The following MMD variants were observed in gnomAD, a reference collection of about 807,000 sequenced individuals.
MMD encodes the protein monocyte to macrophage differentiation factor.
In MMD, 22 loss-of-function variants were observed where a neutral mutation model predicts 33.6. That is an observed-to-expected ratio of 0.66 (90% CI 0.47 to 0.94). The LOEUF is 0.94. Ranked by LOEUF, MMD falls within the 40% of genes least tolerant of loss-of-function variation. The pLI is 0.00. For missense variants in MMD, 242 were observed against 309.8 expected, an observed-to-expected ratio of 0.78 and a Z score of 1.64; for synonymous variants, 97 against 103.2, an observed-to-expected ratio of 0.94 and a Z score of 0.36.
Position 55,408,905 on chromosome 17 carries a change from G to A in MMD, c.270-1085C>T, listed in dbSNP as rs577795816. On this transcript the variant is annotated intron_variant, in intron 3 of 6. Transcript: ENST00000262065. ...AGTCCAAGCTACTCGGATGGCTGAA[G>A]CACAAGAATCACTTGAACCCAGGAG... Among the ~76,000 whole-genome samples, 16 of 152,256 alleles carry A rather than the reference G, an allele frequency of 1.1e-4. No homozygotes were observed. In the East Asian group the frequency reaches 2.7e-3, roughly 26 times the overall value.
chr17:55,418,543 C>T lies in MMD; in HGVS notation c.26+3127G>A, dbSNP rs983146298. 2.6e-5 allele frequency among the ~76,000 whole-genome samples: 4 copies of T among 152,330 alleles called. No homozygotes were observed. The East Asian group carries it at 7.7e-4, about 29-fold the overall frequency. On this transcript the variant is annotated intron_variant, in intron 1 of 6. Coordinates refer to ENST00000262065, the MANE Select transcript of MMD (RefSeq NM_012329.3). ...CAAAAACACTTAAAATCCAAGACAA[C>T]GGATATTCCAAGGGCCCCTTCAACA...
Position 55,417,801 on chromosome 17 carries a change from A to G in MMD, c.27-3569T>C, listed in dbSNP as rs115355418. On this transcript the variant is annotated intron_variant, in intron 1 of 6. Coordinates refer to ENST00000262065, the MANE Select transcript of MMD (RefSeq NM_012329.3). ...GTGACAGAACAAGACCCTGTCTCAAAAACAAACAACAACAAAAAACCCAGA... is the reference window on the plus strand; with the variant it reads ...GTGACAGAACAAGACCCTGTCTCAAGAACAAACAACAACAAAAAACCCAGA... 4.4e-3 allele frequency among the ~76,000 whole-genome samples: 664 copies of G among 152,218 alleles called. 10 individuals are homozygous for G. The highest frequency in any genetic ancestry group is 0.015 in the African/African-American group (634 of 41,506).
chr17:55,397,173 T>C (rs1251938887), intron 6 of MMD, among the ~76,000 whole-genome samples: 1 of 152,196 alleles, frequency 6.6e-6, no homozygotes, highest in Non-Finnish European at 1.5e-5. Flanking sequence ...ATTTATTTAT[T>C]TATTTAGAGA....
chr17:55,411,430 T>C lies in MMD; in HGVS notation c.109-13A>G, dbSNP rs778713610. 1 of 1,605,266 alleles carries C rather than the reference T, an allele frequency of 6.2e-7. No homozygotes were observed. The highest frequency in any genetic ancestry group is 8.5e-7 in the Non-Finnish European group (1 of 1,176,932). On this transcript the variant is annotated splice_polypyrimidine_tract_variant and intron_variant, in intron 2 of 6. Coordinates refer to ENST00000262065, the MANE Select transcript of MMD (RefSeq NM_012329.3). Reference sequence around the variant, plus strand: ...GAACAATGAGGAACTGAGGGAAAGATAAAGAATGGTGAATGGAATATTCTG... The same window carrying C: ...GAACAATGAGGAACTGAGGGAAAGACAAAGAATGGTGAATGGAATATTCTG...
intron 1 of MMD, among the ~76,000 whole-genome samples, chr17:55,416,652 C>T (rs1448446698): frequency 2.6e-5 from 4 of 152,264 alleles, no homozygotes; most frequent in South Asian, 4.1e-4. Flanking sequence ...ACTCCTAAAA[C>T]CTAAATGGAA....
chr17:55,394,087 G>T lies in MMD; in HGVS notation c.*247C>A. ...AAAGTCTGGTTTGTAAACATCAGTT[G>T]GCCAAGTCTATTCAGAGTCCTTCAT... On this transcript the variant is annotated 3_prime_UTR_variant, in exon 7 of 7. Transcript: ENST00000262065. The T allele has an allele frequency of 3.1e-6, 1 of 321,516 alleles. No homozygotes were observed. Among genetic ancestry groups the T allele is most frequent in the East Asian group, 5.0e-5 (1 of 20,112 alleles). The allele number at this position is 321,516 out of a possible 1,614,324, so 19.9% of individuals were successfully genotyped here. A position where few individuals can be genotyped will look rare whatever the true frequency, so the allele number is the denominator to read the frequency against.
At chr17:55,403,352 G>A (rs1218067615) in intron 5 of MMD, among the ~76,000 whole-genome samples, 1 of 152,024 alleles carries the variant, frequency 6.6e-6, no homozygotes, top group African/African-American at 2.4e-5. Context: ...ACCCTTTTTG[G>A]AATACCCTCT....
chr17:55,407,391 T>C (rs6504962), intron 4 of MMD, among the ~76,000 whole-genome samples: 112,520 of 151,986 alleles, frequency 0.74, 43,008 homozygotes, highest in African/African-American at 0.93. Context: ...TCCACTTGAA[T>C]AATTCAATTT....
At chr17:55,404,155 G>T (rs1250792230) in intron 4 of MMD, among the ~76,000 whole-genome samples, 1 of 152,152 alleles carries the variant, frequency 6.6e-6, no homozygotes, top group Non-Finnish European at 1.5e-5. Context: ...AGGAGTTCAA[G>T]ATCAGCCTGG....
chr17:55,415,883 A>C (rs1032005579), intron 1 of MMD, among the ~76,000 whole-genome samples: 1 of 152,252 alleles, frequency 6.6e-6, no homozygotes, highest in African/African-American at 2.4e-5. Flanking sequence ...GCTATTCTCA[A>C]ATATAGTTAA....
At chr17:55,412,942 G>A (rs1397174940) in intron 2 of MMD, among the ~76,000 whole-genome samples, 4 of 152,060 alleles carry the variant, frequency 2.6e-5, no homozygotes, top group Non-Finnish European at 4.4e-5. Flanking sequence ...TGACAATAGG[G>A]GTGTTTTGTC....
chr17:55,401,558 G>C lies in MMD; in HGVS notation c.447-20C>G, dbSNP rs994324936. On this transcript the variant is annotated intron_variant, in intron 5 of 6. Coordinates refer to ENST00000262065, the MANE Select transcript of MMD (RefSeq NM_012329.3). ...TTATATCTGCAGGAACAAAAATGCA[G>C]TTAATTTAACTTATAAATTTCTATA... 1.1e-5 allele frequency: 17 copies of C among 1,584,838 alleles called. No homozygotes were observed. In the South Asian group the frequency reaches 1.8e-4, roughly 17 times the overall value.
chr17:55,405,224 G>C (rs1055895031), intron 4 of MMD, among the ~76,000 whole-genome samples: 11 of 151,812 alleles, frequency 7.2e-5, no homozygotes, highest in African/African-American at 2.7e-4. Context: ...AAAAAAATTA[G>C]CTGGGCATGG....
At chr17:55,407,272 T>G (rs1005638642) in intron 4 of MMD, among the ~76,000 whole-genome samples, 3 of 151,652 alleles carry the variant, frequency 2.0e-5, no homozygotes, top group Non-Finnish European at 4.4e-5. Flanking sequence ...GAGGTTGCAG[T>G]GAGCCGAGAT....
chr17:55,403,699 T>C, intron 5 of MMD, 68 bp downstream of exon 5: 3 of 1,079,338 alleles, frequency 2.8e-6, no homozygotes, highest in East Asian at 2.4e-5. Context: ...AAGTAAATTG[T>C]ATTGCAGTGC....
chr17:55,403,958 G>C, intron 4 of MMD, 90 bp from the exon 5 acceptor site: 1 of 1,038,982 alleles, frequency 9.6e-7, no homozygotes, highest in East Asian at 2.5e-5. Context: ...GAAAGTCTTA[G>C]GATAAGAGCA....
chr17:55,394,745 G>A (rs1238832387), intron 6 of MMD, among the ~76,000 whole-genome samples: 1 of 152,192 alleles, frequency 6.6e-6, no homozygotes, highest in Non-Finnish European at 1.5e-5. Context: ...CTTGAGTTGA[G>A]CAAGCAATCA....
chr17:55,402,815 C>T (rs1907399886), intron 5 of MMD, among the ~76,000 whole-genome samples: 1 of 152,134 alleles, frequency 6.6e-6, no homozygotes, highest in Non-Finnish European at 1.5e-5. Flanking sequence ...CTCAGCATTG[C>T]TAATTATGGT....
chr17:55,416,164 T>C (rs146310661), intron 1 of MMD, among the ~76,000 whole-genome samples: 1 of 152,246 alleles, frequency 6.6e-6, no homozygotes, highest in East Asian at 1.9e-4. Context: ...TTAGATGAAA[T>C]TGAATGTGCT....
Sources: allele counts gnomAD v4.1 joint callset (sites outside exome capture counted in the v4.1 genomes callset), GRCh38; gene constraint gnomAD v4.1.1; transcripts MANE v1.5; gene names NCBI Gene and HGNC (gene_info 2026-07-23, HGNC 2026-07-21).